The following OGG1 variants were observed in gnomAD, a reference collection of about 807,000 sequenced individuals.
OGG1 encodes the protein N-glycosylase/DNA lyase.
A neutral mutation model predicts 42.3 loss-of-function variants in OGG1; 35 were observed. The observed-to-expected ratio is 0.83, with a 90% CI of 0.63 to 1.10. The LOEUF (loss-of-function observed/expected upper bound fraction) is 1.10, where lower values mean the gene tolerates loss of function less well. OGG1 is among the 50% of genes least tolerant of loss of function. The pLI is 0.00. For missense variants in OGG1, 484 were observed against 446.7 expected (o/e 1.08, Z -0.75); for synonymous variants, 189 against 179.0 (o/e 1.06, Z -0.44).
chr3:9,756,691 C>T, intron 5 of OGG1, 70 bp downstream of exon 5: 1 of 1,613,240 alleles, frequency 6.2e-7, no homozygotes, highest in Non-Finnish European at 8.5e-7. Context: ...TCTTAGTCAC[C>T]TCTCCCTCAG....
intron 2 of OGG1, among the ~76,000 whole-genome samples, chr3:9,776,652 G>A (rs2078370058): frequency 6.6e-6 from 1 of 152,162 alleles, no homozygotes; most frequent in Non-Finnish European, 1.5e-5. Context: ...GCCTCCCAAA[G>A]TGCTGGGATT....
At chr3:9,788,374 C>T (rs536053537), downstream of OGG1, among the ~76,000 whole-genome samples, 872 of 151,530 alleles carry the variant, frequency 5.8e-3, 12 homozygotes, top group Admixed American at 4.5e-3. Flanking sequence ...GCCTCCCGAG[C>T]AGCTGGGACT....
chr3:9,761,174 T>G, downstream of OGG1: 2 of 383,448 alleles, frequency 5.2e-6, no homozygotes, highest in Non-Finnish European at 9.5e-6. Flanking sequence ...AGTTTGTAGA[T>G]TTATTTACTT....
At chr3:9,782,902 TTCCC>T (rs1229356887) in intron 3 of OGG1, among the ~76,000 whole-genome samples, 1 of 152,174 alleles carries the variant, frequency 6.6e-6, no homozygotes, top group East Asian at 1.9e-4. Flanking sequence ...TTCGGGTTGC[TTCCC>T]TATCTCTTTA....
intron 6 of OGG1, 49 bp downstream of exon 6, chr3:9,756,865 A>G (rs769428258): frequency 2.9e-5 from 46 of 1,612,470 alleles, no homozygotes; most frequent in Admixed American, 1.0e-4. Flanking sequence ...TCCAGCCCAG[A>G]CCCAGTGGAC....
At chr3:9,754,638 T>TA in intron 3 of OGG1, 66 bp from the exon 4 acceptor site, 1 of 1,563,982 alleles carries the variant, frequency 6.4e-7, no homozygotes, top group Non-Finnish European at 8.7e-7. Flanking sequence ...AGAGCTCACT[T>TA]ACTAGCCTAA....
chr3:9,772,595 A>T (rs2078315223), intron 2 of OGG1, among the ~76,000 whole-genome samples: 1 of 152,226 alleles, frequency 6.6e-6, no homozygotes, highest in Non-Finnish European at 1.5e-5. Context: ...AATTAAACAC[A>T]GTGGAAGGAA....
At chr3:9,767,250 A>C (rs1489465506), downstream of OGG1, among the ~76,000 whole-genome samples, 2 of 151,794 alleles carry the variant, frequency 1.3e-5, no homozygotes, top group African/African-American at 4.8e-5. Flanking sequence ...CACAGCACAC[A>C]CCCTGTTGTC....
chr3:9,758,032 G>A (rs926582042), downstream of OGG1: 19 of 801,216 alleles, frequency 2.4e-5, no homozygotes, highest in South Asian at 6.1e-5. Flanking sequence ...ACACACACAC[G>A]CACATATGTT....
chr3:9,766,418 C>A, exon 8 of OGG1: 1 of 484,738 alleles, frequency 2.1e-6, no homozygotes, highest in Non-Finnish European at 3.8e-6. Flanking sequence ...CTTAAAGAAC[C>A]ATCAGCATCA....
intron 7 of OGG1, chr3:9,762,841 G>C: frequency 2.0e-6 from 3 of 1,507,590 alleles, no homozygotes; most frequent in African/African-American, 1.4e-5. Context: ...AGTTGCCCAA[G>C]GTCAGACAGT....
chr3:9,757,910 C>T (rs150281660), downstream of OGG1: 25 of 1,538,304 alleles, frequency 1.6e-5, no homozygotes, highest in East Asian at 2.0e-4. This position sits in a 1 kb window ranked among gnomAD's most constrained non-coding sequence, Gnocchi z 4.5. Flanking sequence ...AGTCATGGGG[C>T]AGGGGCGCAG....
chr3:9,783,597 G>A (rs907493103), intron 3 of OGG1: 16 of 154,418 alleles, frequency 1.0e-4, no homozygotes, highest in Admixed American at 1.0e-3. Context: ...CTAACACGGT[G>A]AAACCCCGTC....
At chr3:9,785,704 G>A (rs1465788449) in intron 3 of OGG1, among the ~76,000 whole-genome samples, 5 of 152,308 alleles carry the variant, frequency 3.3e-5, no homozygotes, top group African/African-American at 7.2e-5. Context: ...CGTCTGCAAC[G>A]CACCAGGCAG....
At chr3:9,779,514 G>A (rs1481292567) in intron 2 of OGG1, among the ~76,000 whole-genome samples, 1 of 151,856 alleles carries the variant, frequency 6.6e-6, no homozygotes, top group East Asian at 1.9e-4. Context: ...TGGACCCTTG[G>A]GGGAGGGGGG....
At chr3:9,780,293 G>A in intron 2 of OGG1, 2 of 1,512,424 alleles carry the variant, frequency 1.3e-6, no homozygotes, top group Non-Finnish European at 1.8e-6. Flanking sequence ...TGTGCCCAAA[G>A]AAGGAAGTGG....
At chr3:9,764,618 TTTTTTTTTTG>T (rs1227423203) in intron 7 of OGG1, among the ~76,000 whole-genome samples, 2 of 103,182 alleles carry the variant, frequency 1.9e-5, no homozygotes, top group Admixed American at 1.1e-4. Context: ...GGCGTTTTTG[TTTTTTTTTTG>T]TTTTTTTTTT....
chr3:9,789,924 A>G (rs1231184373), downstream of OGG1: 1 of 1,611,996 alleles, frequency 6.2e-7, no homozygotes, highest in African/African-American at 1.3e-5. Flanking sequence ...AGCTTCAGGA[A>G]TCGTCTGTCA....
chr3:9,775,614 A>G (rs1345040354), intron 2 of OGG1, among the ~76,000 whole-genome samples: 1 of 151,770 alleles, frequency 6.6e-6, no homozygotes, highest in Admixed American at 6.6e-5. Context: ...CATGTTATAT[A>G]TAATGTAAGG....
Sources: allele counts gnomAD v4.1 joint callset (sites outside exome capture counted in the v4.1 genomes callset), GRCh38; gene constraint gnomAD v4.1.1; non-coding constraint Gnocchi (gnomAD v3.1); transcripts MANE v1.5; gene names NCBI Gene and HGNC (gene_info 2026-07-23, HGNC 2026-07-21).